The following RASL10B variants were observed in gnomAD, a reference collection of about 807,000 sequenced individuals.
RASL10B encodes the protein ras-like protein family member 10B.
In RASL10B, 10 loss-of-function variants were observed where a neutral mutation model predicts 20.7. The observed-to-expected ratio is 0.48, with a 90% CI of 0.30 to 0.82. The LOEUF (loss-of-function observed/expected upper bound fraction) is 0.82. Ranked by LOEUF, RASL10B falls within the 40% of genes least tolerant of loss-of-function variation. RASL10B has a pLI of 0.07. For synonymous variants in RASL10B, 110 were observed against 123.3 expected (o/e 0.89, Z 0.72); for missense variants, 231 against 295.4 (o/e 0.78, Z 1.60).
rs1878121856 is a variant in RASL10B at position 35,742,981 on chromosome 17, C to T, written c.*1676C>T. 1 of 152,608 alleles carries T rather than the reference C, an allele frequency of 6.6e-6. No homozygotes were observed. The highest frequency in any genetic ancestry group is 1.5e-5 in the Non-Finnish European group (1 of 68,058). 9.5% of individuals were successfully genotyped at this position (152,608 alleles called of 1,614,324 possible). A position where few individuals can be genotyped will look rare whatever the true frequency, so the allele number is the denominator to read the frequency against. ...TCTGTCCACCAAGTGGGGGGTAGCA[C>T]AGCCTCACAGCAACCGCCCTGACCT... is the stretch of plus-strand genomic sequence containing the variant. On this transcript the variant is annotated 3_prime_UTR_variant, in exon 4 of 4. Transcript: ENST00000603017.
chr17:35,736,587 T>C (rs1381984580), intron 2 of RASL10B, among the ~76,000 whole-genome samples: 3 of 152,222 alleles, frequency 2.0e-5, no homozygotes, highest in Non-Finnish European at 4.4e-5. Flanking sequence ...ATGCAGGGCC[T>C]TCTAGTTCTC....
intron 2 of RASL10B, among the ~76,000 whole-genome samples, chr17:35,737,828 G>A (rs748078180): frequency 2.0e-4 from 30 of 151,682 alleles, no homozygotes; most frequent in African/African-American, 5.8e-4. Context: ...GCCTGAGGCC[G>A]GGAGGTTGAG....
chr17:35,738,168 G>A (rs2085606444), intron 2 of RASL10B, among the ~76,000 whole-genome samples: 1 of 152,016 alleles, frequency 6.6e-6, no homozygotes, highest in Non-Finnish European at 1.5e-5. Context: ...AGGTTTAAGG[G>A]CCTTTGTGTT....
intron 1 of RASL10B, among the ~76,000 whole-genome samples, chr17:35,733,689 C>T (rs1285489628): frequency 6.6e-6 from 1 of 152,236 alleles, no homozygotes; most frequent in Non-Finnish European, 1.5e-5. Flanking sequence ...ATGTAACAGC[C>T]TCTCTGGTCA....
intron 2 of RASL10B, among the ~76,000 whole-genome samples, chr17:35,737,894 C>T (rs1275475547): frequency 1.5e-5 from 2 of 133,446 alleles, no homozygotes. Flanking sequence ...GAGTGAGGCC[C>T]TGTCTCAAAA....
chr17:35,738,018 C>T (rs1329200853), intron 2 of RASL10B, among the ~76,000 whole-genome samples: 3 of 152,014 alleles, frequency 2.0e-5, no homozygotes, highest in South Asian at 2.1e-4. Context: ...TATGAGAGCC[C>T]GTTTTCCTAC....
At position 35,742,198 on chromosome 17, in the gene RASL10B, C is replaced by T. The variant is rs915093161; in HGVS notation, c.*893C>T. 2.0e-5 allele frequency: 3 copies of T among 152,110 alleles called. No individual in the cohort carries two copies. Among genetic ancestry groups the T allele is most frequent in the African/African-American group, 7.3e-5 (3 of 41,366 alleles). 9.4% of individuals were successfully genotyped at this position (152,110 alleles called of 1,614,324 possible). On this transcript the variant is annotated 3_prime_UTR_variant, in exon 4 of 4. Coordinates refer to ENST00000603017, the MANE Select transcript of RASL10B (RefSeq NM_033315.4). ...GTCCTTTATTCCCTTCTGCATACTG[C>T]AATCTGATCTGTCAGACTGGGGAAT...
intron 2 of RASL10B, among the ~76,000 whole-genome samples, 160 bp from the exon 3 acceptor site, chr17:35,740,246 GCTC>G (rs1332041282): frequency 1.3e-5 from 2 of 152,218 alleles, no homozygotes; most frequent in Non-Finnish European, 2.9e-5. Context: ...GGAGGCTACA[GCTC>G]CTCCATTCTC....
At chr17:35,732,388 C>A (rs1477009756) in intron 1 of RASL10B, among the ~76,000 whole-genome samples, 4 of 152,222 alleles carry the variant, frequency 2.6e-5, no homozygotes, top group Non-Finnish European at 2.9e-5. Context: ...TCTGCAGACT[C>A]ACTGCAGAGC....
chr17:35,738,868 T>C (rs1272478399), intron 2 of RASL10B, among the ~76,000 whole-genome samples: 2 of 152,062 alleles, frequency 1.3e-5, no homozygotes, highest in African/African-American at 4.8e-5. Context: ...GCAGACAGCT[T>C]GAAGAGACTG....
At position 35,742,449 on chromosome 17, in the gene RASL10B, A is replaced by AGAT. The variant is rs1555598141; in HGVS notation, c.*1146_*1148dup. The AGAT allele has an allele frequency of 6.5e-6, 1 of 152,792 alleles. No homozygotes were observed. Among genetic ancestry groups the AGAT allele is most frequent in the South Asian group, 2.1e-4 (1 of 4,836 alleles). The allele number at this position is 152,792 out of a possible 1,614,324, so 9.5% of individuals were successfully genotyped here. On this transcript the variant is annotated 3_prime_UTR_variant, in exon 4 of 4. Transcript: ENST00000603017. Reference sequence around the variant, plus strand: ...CACACCTGCATCTTCCTCCTGCCACAGATGGAGGCCCTCAGGATCTGACAC... The same window carrying AGAT: ...CACACCTGCATCTTCCTCCTGCCACAGATGATGGAGGCCCTCAGGATCTGACAC...
intron 2 of RASL10B, among the ~76,000 whole-genome samples, chr17:35,737,900 CAAAA>C (rs11351393): frequency 2.0e-5 from 2 of 97,714 alleles, no homozygotes. Context: ...GGCCCTGTCT[CAAAA>C]AAAAAAAAAA....
intron 1 of RASL10B, among the ~76,000 whole-genome samples, chr17:35,734,788 C>G (rs1402211977): frequency 6.6e-6 from 1 of 152,126 alleles, no homozygotes; most frequent in Admixed American, 6.5e-5. Flanking sequence ...TGCTCTGCAG[C>G]CTGTTTTGGT....
intron 1 of RASL10B, among the ~76,000 whole-genome samples, 152 bp downstream of exon 1, chr17:35,732,030 C>A (rs1416909170): frequency 6.7e-6 from 1 of 148,414 alleles, no homozygotes; most frequent in Non-Finnish European, 1.5e-5. Flanking sequence ...GGCGGGGAAG[C>A]GGCGCGGGGC....
Position 35,741,248 on chromosome 17 carries a change from G to A in RASL10B, c.555G>A (p.Val185=), listed in dbSNP as rs1555597908. 1 of 1,590,178 alleles carries A rather than the reference G, an allele frequency of 6.3e-7. No homozygotes were observed. The highest frequency in any genetic ancestry group is 8.6e-7 in the Non-Finnish European group (1 of 1,168,742). ...TCGGCTGCGCCCGTTGCAAGCACGT[G>A]CACGCTGCCCTGCGCTTCCAGGGCG... is the stretch of plus-strand genomic sequence containing the variant. ...KSVGCARCKH[V]HAALRFQGAL... Residue 185 remains valine, a synonymous_variant, in exon 4 of 4, where the codon GTG becomes GTA. Coordinates refer to ENST00000603017, the MANE Select transcript of RASL10B (RefSeq NM_033315.4).
At chr17:35,737,919 G>T (rs587697385) in intron 2 of RASL10B, among the ~76,000 whole-genome samples, 2 of 147,032 alleles carry the variant, frequency 1.4e-5, no homozygotes, top group South Asian at 2.1e-4. Context: ...AAAAAAAAAA[G>T]TGTGACTGTA....
chr17:35,734,632 C>G (rs2085578488), intron 1 of RASL10B, among the ~76,000 whole-genome samples: 1 of 152,096 alleles, frequency 6.6e-6, no homozygotes, highest in Non-Finnish European at 1.5e-5. Flanking sequence ...GAGTTCTCTC[C>G]CCACAAAATG....
At position 35,735,009 on chromosome 17, in the gene RASL10B, T is replaced by C. The variant is rs2085580926; in HGVS notation, c.-147-29T>C. 2 of 640,334 alleles carry C rather than the reference T, an allele frequency of 3.1e-6. No homozygotes were observed. The highest frequency in any genetic ancestry group is 5.4e-5 in the East Asian group (2 of 36,824). 39.7% of individuals were successfully genotyped at this position (640,334 alleles called of 1,614,324 possible). On this transcript the variant is annotated intron_variant, in intron 1 of 3. Coordinates refer to ENST00000603017, the MANE Select transcript of RASL10B (RefSeq NM_033315.4). This position sits in a 1 kb window ranked among gnomAD's most constrained non-coding sequence, Gnocchi z 6.7. ...CAGGACACGTCCAGGGATAAGCCAG[T>C]GCACTAAGCCCACCTCTTGTCCCCA...
chr17:35,737,523 A>C (rs8080566), intron 2 of RASL10B, among the ~76,000 whole-genome samples: 1 of 150,606 alleles, frequency 6.6e-6, no homozygotes, highest in African/African-American at 2.4e-5. Flanking sequence ...CATTTTGAAC[A>C]TAAGTAGGTA....
Sources: gnomAD v4.1 joint callset for allele counts (sites outside exome capture counted in the v4.1 genomes callset) on GRCh38, gnomAD v4.1.1 for gene constraint, Gnocchi (gnomAD v3.1) non-coding constraint, MANE v1.5 for transcripts, NCBI Gene and HGNC (gene_info 2026-07-23, HGNC 2026-07-21) for gene names.